Variants in GH1 observed in about 807,000 individuals in gnomAD.
The protein encoded by GH1 is growth hormone 1, also known as somatotropin.
Under a neutral mutation model 24.5 loss-of-function variants are expected in GH1, and 13 were observed. The ratio of observed to expected loss-of-function variants is 0.53; its 90% CI spans 0.35 to 0.85. GH1 has a LOEUF of 0.85. Ranked by LOEUF, GH1 falls within the 40% of genes least tolerant of loss-of-function variation. GH1 has a pLI of 0.01. For synonymous variants in GH1, 126 were observed against 116.3 expected, an observed-to-expected ratio of 1.08 and a Z score of -0.54; for missense variants, 294 against 273.2, an observed-to-expected ratio of 1.08 and a Z score of -0.54.
rs371688045 is a variant in GH1 at position 63,917,269 on chromosome 17, G to A, written c.*40C>T. On this transcript the variant is annotated 3_prime_UTR_variant, in exon 5 of 5. Coordinates refer to ENST00000323322, the MANE Select transcript of GH1 (RefSeq NM_000515.5). ...GGAGTGGCAACTTCCAGGGCCAGGA[G>A]AGGCACTGGGGAGGGGTCACAGGGA... 52 of 1,613,898 alleles carry A rather than the reference G, an allele frequency of 3.2e-5. No individual in the cohort carries two copies. The highest frequency in any genetic ancestry group is 4.3e-5 in the Non-Finnish European group (51 of 1,179,800).
chr17:63,917,464 G>A lies in GH1; in HGVS notation c.499C>T (p.Gln167Ter). 6.2e-7 allele frequency: 1 copy of A among 1,614,004 alleles called. No individual in the cohort carries two copies. The highest frequency in any genetic ancestry group is 8.5e-7 in the Non-Finnish European group (1 of 1,179,876). The change falls in exon 5 of 5, where the codon CAG becomes TAG. Residue 167 changes from glutamine (Q) to a stop codon, truncating the protein, a stop_gained. Coordinates refer to ENST00000323322, the MANE Select transcript of GH1 (RefSeq NM_000515.5). LOFTEE classifies it high-confidence loss of function. ...GSPRTGQIFK[Q>*]TYSKFDTNSH... ...TTTGTGTCGAACTTGCTGTAGGTCT[G>A]CTTGAAGATCTGCCCAGTCCGGGGG...
At chr17:63,918,254 T>G in intron 2 of GH1, 92 bp downstream of exon 2, 1 of 1,609,998 alleles carries the variant, frequency 6.2e-7, no homozygotes, top group Non-Finnish European at 8.5e-7. Flanking sequence ...GGAAAAACCC[T>G]GAGCTCCTTA....
Position 63,917,428 on chromosome 17 carries a change from C to G in GH1, c.535G>C (p.Asp179His), listed in dbSNP as rs151243538. 3.5e-4 allele frequency: 557 copies of G among 1,613,952 alleles called. No individual in the cohort carries two copies. Among genetic ancestry groups the G allele is most frequent in the Non-Finnish European group, 4.4e-4 (519 of 1,179,870 alleles). ...CCGTAGTTCTTGAGTAGTGCGTCAT[C>G]GTTGTGTGAGTTTGTGTCGAACTTG... is the stretch of plus-strand genomic sequence containing the variant. ...YSKFDTNSHNDDALLKNYGLL... is the reference protein window; with the variant it reads ...YSKFDTNSHNHDALLKNYGLL... Residue 179 changes from aspartate (D) to histidine (H), a missense_variant, in exon 5 of 5, where the codon GAT becomes CAT. Coordinates refer to ENST00000323322, the MANE Select transcript of GH1 (RefSeq NM_000515.5).
chr17:63,917,688 G>A, intron 4 of GH1, 72 bp downstream of exon 4: 4 of 1,614,174 alleles, frequency 2.5e-6, no homozygotes, highest in Non-Finnish European at 2.5e-6. Flanking sequence ...AAAGAGGGCA[G>A]CAGTGTTTCT....
chr17:63,918,322 C>G lies in GH1; in HGVS notation c.171+24G>C, dbSNP rs41295031. ...TCACCCCTTCCTGCCACCCCTGATGCGCACCCATTCCCCAAGAGCTTACAA... is the reference window on the plus strand; with the variant it reads ...TCACCCCTTCCTGCCACCCCTGATGGGCACCCATTCCCCAAGAGCTTACAA... On this transcript the variant is annotated intron_variant, in intron 2 of 4. Coordinates refer to ENST00000323322, the MANE Select transcript of GH1 (RefSeq NM_000515.5). 7,857 of 1,613,718 alleles carry G rather than the reference C, an allele frequency of 4.9e-3. 25 individuals carry two copies. Among genetic ancestry groups the G allele is most frequent in the Middle Eastern group, 9.4e-3 (57 of 6,062 alleles).
At position 63,918,326 on chromosome 17, in the gene GH1, C is replaced by G. The variant is rs187558445; in HGVS notation, c.171+20G>C. ...CCCTTCCTGCCACCCCTGATGCGCA[C>G]CCATTCCCCAAGAGCTTACAAACTC... is the stretch of plus-strand genomic sequence containing the variant. On this transcript the variant is annotated intron_variant, in intron 2 of 4. Coordinates refer to ENST00000323322, the MANE Select transcript of GH1 (RefSeq NM_000515.5). The G allele has an allele frequency of 4.3e-6, 7 of 1,614,042 alleles. No individual in the cohort carries two copies. The highest frequency in any genetic ancestry group is 5.9e-6 in the Non-Finnish European group (7 of 1,179,880).
Position 63,918,816 on chromosome 17 carries a change from G to A in GH1, c.-40C>T, listed in dbSNP as rs368843010. On this transcript the variant is annotated 5_prime_UTR_variant, in exon 1 of 5. Transcript: ENST00000323322. ...CTGTCCACAGGACCCTGAGTGGTTCGGGGAGTTGGGCCTTGGGATCCTTGA... is the reference window on the plus strand; with the variant it reads ...CTGTCCACAGGACCCTGAGTGGTTCAGGGAGTTGGGCCTTGGGATCCTTGA... 241 of 1,613,770 alleles carry A rather than the reference G, an allele frequency of 1.5e-4. 2 individuals carry two copies. The highest frequency in any genetic ancestry group is 9.9e-4 in the Middle Eastern group (6 of 6,078).
Position 63,918,086 on chromosome 17 carries a change from G to T in GH1, c.222C>A (p.Pro74=), listed in dbSNP as rs777246983. The T allele has an allele frequency of 1.9e-6, 3 of 1,614,036 alleles. No individual in the cohort carries two copies. The highest frequency in any genetic ancestry group is 4.5e-5 in the East Asian group (2 of 44,892). ...ACTCTGAGAAACAGAGGGAGGTCTGGGGGTTCTGCAGGAATGAATACTTCT... is the reference window on the plus strand; with the variant it reads ...ACTCTGAGAAACAGAGGGAGGTCTGTGGGTTCTGCAGGAATGAATACTTCT... ...KEQKYSFLQN[P]QTSLCFSESI... is the part of the protein sequence containing the mutation. The change falls in exon 3 of 5, where the codon CCC becomes CCA. Residue 74 remains proline, a synonymous_variant. Coordinates refer to ENST00000323322, the MANE Select transcript of GH1 (RefSeq NM_000515.5).
At chr17:63,918,295 A>T (rs1194953300) in intron 2 of GH1, 51 bp downstream of exon 2, 25 of 1,612,502 alleles carry the variant, frequency 1.6e-5, no homozygotes, top group Non-Finnish European at 1.9e-5. Context: ...AGCGGGGGAA[A>T]GTCACCCCTT....
chr17:63,918,550 A>T, intron 1 of GH1, 44 bp from the exon 2 acceptor site: 1 of 1,612,924 alleles, frequency 6.2e-7, no homozygotes, highest in Non-Finnish European at 8.5e-7. Flanking sequence ...GGAGAGCAAG[A>T]GGCCAGCACT....
rs140576665 is a variant in GH1 at position 63,918,501 on chromosome 17, G to C, written c.16C>G (p.Arg6Gly). 6.8e-6 allele frequency: 11 copies of C among 1,613,862 alleles called. No individual in the cohort carries two copies. The African/African-American group carries it at 1.3e-4, about 20-fold the overall frequency. ...CCAAAAGCCAGGAGCAGGGACGTCCGGGAGCCTGGGGAGAAACCAGAGGGC... is the reference window on the plus strand; with the variant it reads ...CCAAAAGCCAGGAGCAGGGACGTCCCGGAGCCTGGGGAGAAACCAGAGGGC... MATGS[R>G]TSLLLAFGLL... Residue 6 changes from arginine to glycine, a missense_variant, in exon 2 of 5, where the codon CGG (arginine) becomes GGG (glycine). Arg to Gly is a moderately radical substitution (Grantham distance 125). Transcript: ENST00000323322.
In GH1 at chr17:63,918,154, C is replaced by A. The variant is rs1340736679; in HGVS notation, c.172-18G>T. On this transcript the variant is annotated intron_variant, in intron 2 of 4. Coordinates refer to ENST00000323322, the MANE Select transcript of GH1 (RefSeq NM_000515.5). ...GCTTCTTCCTAGGAGAAGGACCGCC[C>A]ACCAAGGTCTACGCTGGAGACCAGC... is the stretch of plus-strand genomic sequence containing the variant. 12 of 1,614,020 alleles carry A rather than the reference C, an allele frequency of 7.4e-6. No homozygotes were observed. Among genetic ancestry groups the A allele is most frequent in the Non-Finnish European group, 8.5e-6 (10 of 1,180,032 alleles).
At chr17:63,917,702 A>G in intron 4 of GH1, 58 bp downstream of exon 4, 1 of 1,614,172 alleles carries the variant, frequency 6.2e-7, no homozygotes, top group Non-Finnish European at 8.5e-7. Context: ...TGTTTCTCTA[A>G]CACAGCTCTC....
Position 63,918,411 on chromosome 17 carries a change from A to T in GH1, c.106T>A (p.Phe36Ile). 1 of 1,614,198 alleles carries T rather than the reference A, an allele frequency of 6.2e-7. No individual in the cohort carries two copies. The highest frequency in any genetic ancestry group is 1.3e-5 in the African/African-American group (1 of 75,040). The change falls in exon 2 of 5, where the codon TTT becomes ATT. Residue 36 changes from phenylalanine to isoleucine, a missense_variant. Transcript: ENST00000323322. ...TGGGCGCGGAGCATAGCGTTGTCAA[A>T]AAGCCTGGATAAGGGAATGGTTGGG... is the stretch of plus-strand genomic sequence containing the variant. ...AFPTIPLSRLFDNAMLRAHRL... is the reference protein window; with the variant it reads ...AFPTIPLSRLIDNAMLRAHRL...
At position 63,918,589 on chromosome 17, in the gene GH1, C is replaced by T. The variant is rs1598395691; in HGVS notation, c.11-83G>A. 5.6e-6 allele frequency: 9 copies of T among 1,608,688 alleles called. No homozygotes were observed. In the South Asian group the frequency reaches 9.9e-5, roughly 18 times the overall value. ...CCTGCTCCAGGAGCTGTTTGTTTTT[C>T]TCTCTCCATCCCTCCAGGGACCAGG... On this transcript the variant is annotated intron_variant, in intron 1 of 4. Transcript: ENST00000323322.
intron 4 of GH1, 46 bp from the exon 5 acceptor site, chr17:63,917,552 G>A (rs762606132): frequency 6.2e-6 from 10 of 1,613,970 alleles, no homozygotes; most frequent in South Asian, 1.1e-5. Flanking sequence ...CTTGGGTACT[G>A]TTCCCTCCCT....
At chr17:63,918,211 A>AGCGTGTGCTCATCTGCCT (rs1907485865) in intron 2 of GH1, 75 bp from the exon 3 acceptor site, 1 of 1,613,116 alleles carries the variant, frequency 6.2e-7, no homozygotes, top group Admixed American at 1.7e-5. Flanking sequence ...AACCTCACTC[A>AGCGTGTGCTCATCTGCCT]GCGTGTGCTC....
At position 63,917,939 on chromosome 17, in the gene GH1, C is replaced by T. The variant is rs200503313; in HGVS notation, c.292-15G>A. The T allele has an allele frequency of 1.0e-4, 163 of 1,614,026 alleles. No individual in the cohort carries two copies. Among genetic ancestry groups the T allele is most frequent in the Non-Finnish European group, 1.2e-4 (142 of 1,180,016 alleles). On this transcript the variant is annotated splice_polypyrimidine_tract_variant and intron_variant, in intron 3 of 4. Coordinates refer to ENST00000323322, the MANE Select transcript of GH1 (RefSeq NM_000515.5). ...AGCTCTAGGTTCTGCAGGGGAAGGA[C>T]GGGCATTGGCTGTGCTGCCCGGGGG...
chr17:63,918,074 G>T lies in GH1; in HGVS notation c.234C>A (p.Leu78=). 2 of 1,614,186 alleles carry T rather than the reference G, an allele frequency of 1.2e-6. No individual in the cohort carries two copies. Among genetic ancestry groups the T allele is most frequent in the Non-Finnish European group, 1.7e-6 (2 of 1,180,020 alleles). Residue 78 remains leucine, a synonymous_variant, in exon 3 of 5, where the codon CTC becomes CTA. Coordinates refer to ENST00000323322, the MANE Select transcript of GH1 (RefSeq NM_000515.5). ...YSFLQNPQTS[L]CFSESIPTPS... is the part of the protein sequence containing the mutation. ...GTGTCGGAATAGACTCTGAGAAACA[G>T]AGGGAGGTCTGGGGGTTCTGCAGGA...
Sources: gnomAD v4.1 joint callset for allele counts on GRCh38, gnomAD v4.1.1 for gene constraint, MANE v1.5 for transcripts, NCBI Gene and HGNC (gene_info 2026-07-23, HGNC 2026-07-21) for gene names.